The following OTUD7A variants were observed in gnomAD, a reference collection of about 807,000 sequenced individuals.
OTUD7A encodes the protein OTU domain-containing protein 7A.
In OTUD7A, 12 loss-of-function variants were observed where a neutral mutation model predicts 65.7. The ratio of observed to expected loss-of-function variants is 0.18; its 90% CI spans 0.12 to 0.30. The LOEUF (loss-of-function observed/expected upper bound fraction) is 0.30, where lower values mean the gene tolerates loss of function less well. Among genes scored for constraint, OTUD7A ranks in the 10% least tolerant of loss-of-function variants. The pLI is 1.00. For missense variants in OTUD7A, 1,148 were observed against 1,304.8 expected, an observed-to-expected ratio of 0.88 and a Z score of 1.85; for synonymous variants, 641 against 586.3, an observed-to-expected ratio of 1.09 and a Z score of -1.35.
chr15:31,678,286 T>G (rs1434448783), intron 1 of OTUD7A, among the ~76,000 whole-genome samples: 1 of 152,180 alleles, frequency 6.6e-6, no homozygotes, highest in Non-Finnish European at 1.5e-5. Context: ...TTCAGAAAAT[T>G]TGCAGCCTGA....
intron 3 of OTUD7A, among the ~76,000 whole-genome samples, chr15:31,610,883 A>C (rs8025014): frequency 0.29 from 43,164 of 150,698 alleles, 7,283 homozygotes; most frequent in African/African-American, 0.47. Context: ...CCTGCCTCGG[A>C]CTCCCAAAGT....
chr15:31,555,641 C>T (rs1246459561), intron 5 of OTUD7A, among the ~76,000 whole-genome samples: 6 of 152,066 alleles, frequency 3.9e-5, no homozygotes, highest in Non-Finnish European at 7.4e-5. Flanking sequence ...TAGCACTGGC[C>T]GGCTGAGGGT....
chr15:31,797,860 C>CA (rs1896013296), intron 1 of OTUD7A, among the ~76,000 whole-genome samples: 1 of 152,276 alleles, frequency 6.6e-6, no homozygotes, highest in African/African-American at 2.4e-5. Context: ...AGTGCTGCCA[C>CA]AAAAAATGCC....
At chr15:31,718,991 T>C (rs1467169518) in intron 1 of OTUD7A, among the ~76,000 whole-genome samples, 1 of 152,102 alleles carries the variant, frequency 6.6e-6, no homozygotes, top group Non-Finnish European at 1.5e-5. Flanking sequence ...CATCACTTTG[T>C]TGTTGGGATC....
intron 1 of OTUD7A, among the ~76,000 whole-genome samples, chr15:31,701,639 T>C (rs980685545): frequency 3.3e-5 from 5 of 150,470 alleles, no homozygotes; most frequent in African/African-American, 1.2e-4. Context: ...CCTACAACTA[T>C]GGAAAATTAA....
chr15:31,639,819 G>A (rs534899150), intron 3 of OTUD7A, among the ~76,000 whole-genome samples: 4 of 152,162 alleles, frequency 2.6e-5, no homozygotes, highest in Admixed American at 2.6e-4. Flanking sequence ...ATCTTCTTTG[G>A]TGAAGTCTGT....
In OTUD7A at chr15:31,484,069, T is replaced by A. The variant is rs1168202446; in HGVS notation, c.2027A>T (p.Gln676Leu). ...TSAQERFSAE[Q>L]EQRRRDAATA... is the part of the protein sequence containing the mutation. ...AGCGGCGTCGCGGCGCCGCTGCTCC[T>A]GCTCGGCGCTGAAGCGCTCCTGCGC... The change falls in exon 13 of 13, where the codon CAG becomes CTG. Residue 676 changes from glutamine (Q) to leucine (L), a missense_variant. Physicochemically the swap from Gln to Leu is moderately radical, Grantham distance 113 (BLOSUM62 -2). Coordinates refer to ENST00000307050, the MANE Select transcript of OTUD7A (RefSeq NM_001382637.1). This position sits in a 1 kb window ranked among gnomAD's most constrained non-coding sequence, Gnocchi z 4.5. The A allele has an allele frequency of 1.3e-6, 2 of 1,550,028 alleles. No individual in the cohort carries two copies. Among genetic ancestry groups the A allele is most frequent in the South Asian group, 2.4e-5 (2 of 84,534 alleles).
chr15:31,527,278 A>G lies in OTUD7A; in HGVS notation c.683T>C (p.Val228Ala), dbSNP rs945161307. Residue 228 changes from valine to alanine, a missense_variant, in exon 7 of 13, where the codon GTG (valine) becomes GCG (alanine). By Grantham distance (64) the Val-to-Ala change is moderately conservative (BLOSUM62 0). Coordinates refer to ENST00000307050, the MANE Select transcript of OTUD7A (RefSeq NM_001382637.1). ...GMWGFHDRDL[V>A]LRKALYTMMR... Reference sequence around the variant, plus strand: ...CATGGTATAGAGAGCTTTCCGTAACACCAGGTCCCGGTCGTGAAACCCCCA... The same window carrying G: ...CATGGTATAGAGAGCTTTCCGTAACGCCAGGTCCCGGTCGTGAAACCCCCA... The G allele has an allele frequency of 1.9e-6, 3 of 1,614,080 alleles. No homozygotes were observed. The highest frequency in any genetic ancestry group is 2.5e-6 in the Non-Finnish European group (3 of 1,179,988).
chr15:31,758,837 C>T (rs1021202376), intron 1 of OTUD7A, among the ~76,000 whole-genome samples: 6 of 151,724 alleles, frequency 4.0e-5, no homozygotes, highest in African/African-American at 1.5e-4. Context: ...ATTTACCATA[C>T]AAAAAAAACT....
chr15:31,663,023 C>A (rs1892209073), intron 1 of OTUD7A, among the ~76,000 whole-genome samples: 1 of 151,110 alleles, frequency 6.6e-6, no homozygotes, highest in African/African-American at 2.4e-5. Flanking sequence ...TCCAGATACA[C>A]AATCATATCA....
intron 1 of OTUD7A, among the ~76,000 whole-genome samples, chr15:31,859,456 TCA>T (rs1897663602): frequency 6.6e-6 from 1 of 152,010 alleles, no homozygotes; most frequent in South Asian, 2.1e-4. Context: ...AGCTATATAT[TCA>T]GTTAAGTGAT....
intron 3 of OTUD7A, among the ~76,000 whole-genome samples, chr15:31,639,095 C>A (rs1891434938): frequency 6.6e-6 from 1 of 152,050 alleles, no homozygotes; most frequent in Admixed American, 6.6e-5. Context: ...GCTCGCGCCA[C>A]CGCACTCCAG....
At chr15:31,627,722 T>G (rs1011678638) in intron 3 of OTUD7A, among the ~76,000 whole-genome samples, 1 of 152,202 alleles carries the variant, frequency 6.6e-6, no homozygotes, top group Non-Finnish European at 1.5e-5. Flanking sequence ...GTAAAAGTGT[T>G]CCTACTTTTC....
chr15:31,607,892 T>C (rs1890282515), intron 3 of OTUD7A, among the ~76,000 whole-genome samples: 1 of 152,228 alleles, frequency 6.6e-6, no homozygotes, highest in South Asian at 2.1e-4. Flanking sequence ...TCTTAGAATG[T>C]ATCTCATCAT....
chr15:31,501,891 G>A (rs752961816), intron 9 of OTUD7A, 52 bp from the exon 10 acceptor site: 7 of 1,556,898 alleles, frequency 4.5e-6, no homozygotes, highest in Non-Finnish European at 6.1e-6. Context: ...CTCGAGCTGG[G>A]AGGGGAGGCC....
In OTUD7A at chr15:31,765,937, T is replaced by C; in HGVS notation, c.-100+104570A>G. ...AGAGGTAAAGTCCTGTTTTTAACAA[T>C]ATTTTCTAAAAGTTCTGCAATTGCA... On this transcript the variant is annotated intron_variant, in intron 1 of 12. Coordinates refer to ENST00000307050, the MANE Select transcript of OTUD7A (RefSeq NM_001382637.1). The C allele has an allele frequency of 5.3e-6, 7 of 1,327,398 alleles. No homozygotes were observed. The East Asian group carries it at 6.9e-5, about 13-fold the overall frequency. The allele number at this position is 1,327,398 out of a possible 1,614,324, so 82.2% of individuals were successfully genotyped here. A position where few individuals can be genotyped will look rare whatever the true frequency, so the allele number is the denominator to read the frequency against.
intron 1 of OTUD7A, among the ~76,000 whole-genome samples, chr15:31,736,691 C>A (rs1894202244): frequency 6.6e-6 from 1 of 151,950 alleles, no homozygotes; most frequent in Non-Finnish European, 1.5e-5. Flanking sequence ...TCCTCCCACC[C>A]TCAACACAAA....
At chr15:31,623,640 C>G (rs1890868068) in intron 3 of OTUD7A, among the ~76,000 whole-genome samples, 1 of 152,206 alleles carries the variant, frequency 6.6e-6, no homozygotes. Flanking sequence ...TGGGAGTGAC[C>G]TGATTTTCCA....
chr15:31,554,689 C>T (rs1209128565), intron 5 of OTUD7A, among the ~76,000 whole-genome samples: 1 of 152,174 alleles, frequency 6.6e-6, no homozygotes, highest in African/African-American at 2.4e-5. Flanking sequence ...CACTGAAGAA[C>T]CACACCATCT....
Sources: allele counts gnomAD v4.1 joint callset (sites outside exome capture counted in the v4.1 genomes callset), GRCh38; gene constraint gnomAD v4.1.1; non-coding constraint Gnocchi (gnomAD v3.1); transcripts MANE v1.5; gene names NCBI Gene and HGNC (gene_info 2026-07-23, HGNC 2026-07-21).